The following PRR16 variants were observed in gnomAD, a reference collection of about 807,000 sequenced individuals.
PRR16 encodes the protein protein Largen.
PRR16 carries 6 observed loss-of-function variants against 18.2 expected under a neutral mutation model. The ratio of observed to expected loss-of-function variants is 0.33; its 90% CI spans 0.18 to 0.65. PRR16 has a LOEUF of 0.65. Ranked by LOEUF, PRR16 falls within the 30% of genes least tolerant of loss-of-function variation. The probability of loss-of-function intolerance (pLI) is 0.74; values close to 1 mark genes in which losing one functional copy is unlikely to be tolerated. For missense variants in PRR16, 412 were observed against 376.6 expected (o/e 1.09, Z -0.78); for synonymous variants, 151 against 147.8 (o/e 1.02, Z -0.16).
intron 1 of PRR16, among the ~76,000 whole-genome samples, chr5:120,477,318 TC>T (rs1172133012): frequency 6.7e-6 from 1 of 149,906 alleles, no homozygotes; most frequent in Non-Finnish European, 1.5e-5. Flanking sequence ...AACCCGGATC[TC>T]CCCCCTCCCA....
chr5:120,472,816 G>A (rs1047416949), intron 1 of PRR16, among the ~76,000 whole-genome samples: 1 of 152,116 alleles, frequency 6.6e-6, no homozygotes, highest in African/African-American at 2.4e-5. Context: ...TCACGACTTT[G>A]CAAAAGCTGT....
At chr5:120,500,130 G>T (rs753360220) in intron 1 of PRR16, among the ~76,000 whole-genome samples, 5 of 152,014 alleles carry the variant, frequency 3.3e-5, no homozygotes, top group African/African-American at 4.8e-5. Flanking sequence ...TGCACATGAG[G>T]GTGGGACTCC....
intron 1 of PRR16, among the ~76,000 whole-genome samples, chr5:120,598,781 T>G (rs1753892783): frequency 6.6e-6 from 1 of 151,940 alleles, no homozygotes; most frequent in Non-Finnish European, 1.5e-5. Flanking sequence ...TATGGCTGTG[T>G]AGTATTCTAT....
chr5:120,507,715 A>C (rs1199307433), intron 1 of PRR16, among the ~76,000 whole-genome samples: 1 of 152,050 alleles, frequency 6.6e-6, no homozygotes, highest in Non-Finnish European at 1.5e-5. Context: ...AACAACTGCT[A>C]AGGAAAAGGC....
the PRR16 span, among the ~76,000 whole-genome samples, chr5:120,715,105 TAAAAA>T: frequency 1.4e-5 from 2 of 144,948 alleles, no homozygotes; most frequent in Admixed American, 6.9e-5. Context: ...TCCCAGAACT[TAAAAA>T]AAAAAAAGTC....
the PRR16 span, among the ~76,000 whole-genome samples, chr5:120,700,315 C>T: frequency 3.3e-5 from 5 of 151,968 alleles, no homozygotes; most frequent in East Asian, 3.9e-4. Flanking sequence ...CTTTTTAAAG[C>T]GTGCTGCGGG....
Position 120,669,765 on chromosome 5 carries a change from A to G in PRR16, c.160-16189A>G, listed in dbSNP as rs542073326. ...AAGAGAAAGTCTTGTTTTGAAAGAA[A>G]AAAGTGTTTCTAGATTTTACATTCA... On this transcript the variant is annotated intron_variant, in intron 1 of 1. Transcript: ENST00000407149. Among the ~76,000 whole-genome samples, 6 of 152,254 alleles carry G rather than the reference A, an allele frequency of 3.9e-5. No homozygotes were observed. In the South Asian group the frequency reaches 1.0e-3, roughly 26 times the overall value.
chr5:120,724,357 T>C, the PRR16 span, among the ~76,000 whole-genome samples: 2 of 152,234 alleles, frequency 1.3e-5, no homozygotes, highest in Admixed American at 1.3e-4. Flanking sequence ...TAATGATTAA[T>C]AAGTTGCTTC....
intron 1 of PRR16, among the ~76,000 whole-genome samples, chr5:120,683,355 A>C (rs561602950): frequency 5.9e-5 from 9 of 151,938 alleles, no homozygotes; most frequent in Non-Finnish European, 1.2e-4. Context: ...ACAAAAAATT[A>C]GGTGGGTGTG....
intron 1 of PRR16, among the ~76,000 whole-genome samples, chr5:120,539,929 T>G (rs75664306): frequency 0.037 from 5,624 of 152,258 alleles, 119 homozygotes; most frequent in South Asian, 0.047. Flanking sequence ...TATTATAGGT[T>G]CTTGCTGTTT....
At chr5:120,618,444 T>A in intron 1 of PRR16, 1 of 962,198 alleles carries the variant, frequency 1.0e-6, no homozygotes, top group Non-Finnish European at 1.2e-6. Flanking sequence ...TTTAACAGTT[T>A]GTTAGGTGCT....
At chr5:120,509,818 T>G (rs1437798426) in intron 1 of PRR16, among the ~76,000 whole-genome samples, 1 of 152,282 alleles carries the variant, frequency 6.6e-6, no homozygotes, top group East Asian at 1.9e-4. Context: ...AACAGGGAGT[T>G]AATTACCTTC....
intron 1 of PRR16, among the ~76,000 whole-genome samples, chr5:120,507,870 A>T (rs377355218): frequency 3.3e-5 from 5 of 152,068 alleles, no homozygotes; most frequent in Admixed American, 6.6e-5. Flanking sequence ...ACCATATTCT[A>T]TTGGGTTAGA....
the PRR16 span, among the ~76,000 whole-genome samples, chr5:120,741,628 A>C: frequency 6.6e-6 from 1 of 151,964 alleles, no homozygotes; most frequent in Non-Finnish European, 1.5e-5. Flanking sequence ...TTTTGACAGT[A>C]TCTCGCTCTG....
In PRR16 at chr5:120,466,809, A is replaced by T. The variant is rs147000083; in HGVS notation, c.159+2164A>T. Among the ~76,000 whole-genome samples the T allele has an allele frequency of 3.1e-3, 468 of 152,252 alleles. 3 individuals carry two copies. Among genetic ancestry groups the T allele is most frequent in the African/African-American group, 0.011 (452 of 41,548 alleles). On this transcript the variant is annotated intron_variant, in intron 1 of 1. Coordinates refer to ENST00000407149, the MANE Select transcript of PRR16 (RefSeq NM_001300783.2). The stretch of plus-strand genomic sequence containing the variant: ...CAATTTTGACTCAACATTTTGGAAG[A>T]TTTGTTTGTCTTAAGGATCTGTTTG...
At chr5:120,745,565 C>A in the PRR16 span, among the ~76,000 whole-genome samples, 51 of 152,142 alleles carry the variant, frequency 3.4e-4, no homozygotes, top group African/African-American at 1.2e-3. Flanking sequence ...ACAACAACAA[C>A]AACAAATACT....
At chr5:120,544,799 G>T (rs568364922) in intron 1 of PRR16, among the ~76,000 whole-genome samples, 2 of 151,912 alleles carry the variant, frequency 1.3e-5, no homozygotes, top group South Asian at 4.2e-4. Flanking sequence ...CAAAATACTG[G>T]GATTACAGGT....
the PRR16 span, among the ~76,000 whole-genome samples, chr5:120,736,720 G>A: frequency 6.6e-6 from 1 of 151,834 alleles, no homozygotes; most frequent in Admixed American, 6.6e-5. Flanking sequence ...ATCATCTCAT[G>A]AACATTGGAT....
the PRR16 span, among the ~76,000 whole-genome samples, chr5:120,714,314 C>A: frequency 1.3e-5 from 2 of 152,200 alleles, no homozygotes; most frequent in East Asian, 3.9e-4. Context: ...ATCAAAATCA[C>A]CTTTTGCCAA....
Sources: allele counts gnomAD v4.1 joint callset (sites outside exome capture counted in the v4.1 genomes callset), GRCh38; gene constraint gnomAD v4.1.1; transcripts MANE v1.5; gene names NCBI Gene and HGNC (gene_info 2026-07-23, HGNC 2026-07-21).